ATP8B4: variants seen among roughly 807,000 people sequenced by gnomAD.
ATP8B4 encodes the protein ATPase phospholipid transporting 8B4 (putative).
In ATP8B4, 133 loss-of-function variants were observed where a neutral mutation model predicts 145.6. That is an observed-to-expected ratio of 0.91 (90% confidence interval 0.79 to 1.05). ATP8B4 has a LOEUF of 1.05. Ranked by LOEUF, ATP8B4 falls within the 50% of genes least tolerant of loss-of-function variation. The pLI, the probability that ATP8B4 is intolerant of heterozygous loss-of-function variation, is 0.00. For missense variants in ATP8B4, 1,458 were observed against 1,425.2 expected (o/e 1.02, Z -0.37); for synonymous variants, 507 against 492.9 (o/e 1.03, Z -0.38).
intron 21 of ATP8B4, 75 bp downstream of exon 21, chr15:49,901,017 C>A: frequency 6.6e-7 from 1 of 1,509,846 alleles, no homozygotes; most frequent in Non-Finnish European, 9.0e-7. Flanking sequence ...CAAAGGAGGT[C>A]TCATTATGAT....
At position 49,975,869 on chromosome 15, in the gene ATP8B4, T is replaced by G. The variant is rs934776431; in HGVS notation, c.1035-3079A>C. ...TGGATATTTCAGTTTCACGTCTTTG[T>G]AATTTACAAGGATATCCAGAACAGT... On this transcript the variant is annotated intron_variant, in intron 12 of 27. Transcript: ENST00000284509. Among the ~76,000 whole-genome samples, 7 of 152,276 alleles carry G rather than the reference T, an allele frequency of 4.6e-5. No homozygotes were observed. The South Asian group carries it at 1.0e-3, about 23-fold the overall frequency.
At chr15:49,887,073 G>A (rs1403493029) in intron 23 of ATP8B4, among the ~76,000 whole-genome samples, 1 of 152,104 alleles carries the variant, frequency 6.6e-6, no homozygotes. Flanking sequence ...ACCTCCCAAA[G>A]TGCTGGGATT....
chr15:49,974,386 A>C (rs2045481194), intron 12 of ATP8B4, among the ~76,000 whole-genome samples: 1 of 138,566 alleles, frequency 7.2e-6, no homozygotes, highest in African/African-American at 2.9e-5. Context: ...CACCGCACCC[A>C]GCCACTTGTC....
At chr15:50,164,617 C>A (rs970367536) in intron 1 of ATP8B4, among the ~76,000 whole-genome samples, 5 of 152,198 alleles carry the variant, frequency 3.3e-5, no homozygotes, top group Non-Finnish European at 7.3e-5. Flanking sequence ...GGTGTCTCAC[C>A]AGGTCATGTG....
chr15:50,024,191 G>A (rs948909377), intron 6 of ATP8B4, among the ~76,000 whole-genome samples: 1 of 152,136 alleles, frequency 6.6e-6, no homozygotes, highest in Admixed American at 6.5e-5. Context: ...CAGTGGTTAA[G>A]TCTGGATTTG....
intron 6 of ATP8B4, among the ~76,000 whole-genome samples, chr15:50,035,912 A>G (rs1477259373): frequency 6.6e-6 from 1 of 152,152 alleles, no homozygotes; most frequent in Non-Finnish European, 1.5e-5. Flanking sequence ...TACACAAGGG[A>G]AGCCACAAGC....
chr15:50,159,620 T>C (rs781711877), intron 1 of ATP8B4, among the ~76,000 whole-genome samples: 3 of 152,200 alleles, frequency 2.0e-5, no homozygotes, highest in African/African-American at 4.8e-5. Flanking sequence ...TATGTGTCAG[T>C]ATGTGGGTCT....
chr15:49,987,460 C>T lies in ATP8B4; in HGVS notation c.679G>A (p.Glu227Lys), dbSNP rs2046711598. 2.5e-6 allele frequency: 4 copies of T among 1,613,906 alleles called. No homozygotes were observed. In the South Asian group the frequency reaches 3.3e-5, roughly 13 times the overall value. Residue 227 changes from glutamate (E) to lysine (K), a missense_variant, in exon 10 of 28, where the codon GAG (glutamate) becomes AAG (lysine). Coordinates refer to ENST00000284509, the MANE Select transcript of ATP8B4 (RefSeq NM_024837.4). The part of the protein sequence containing the change: ...WKDSKHSLNN[E>K]KIILRGCILR... ...ATGCAGCCTCTCAGGATTATCTTCT[C>T]ATTGTTGAGGGAATGCTTGCTGTCT...
chr15:50,088,690 G>A (rs758131935), intron 2 of ATP8B4, among the ~76,000 whole-genome samples: 24 of 152,064 alleles, frequency 1.6e-4, no homozygotes, highest in African/African-American at 4.8e-4. Context: ...CCCCGCCCCC[G>A]ACCAGAATGT....
At chr15:49,961,580 A>G (rs975828605) in intron 14 of ATP8B4, among the ~76,000 whole-genome samples, 26 of 152,246 alleles carry the variant, frequency 1.7e-4, no homozygotes, top group African/African-American at 6.3e-4. Flanking sequence ...GAACATCAAT[A>G]TAACAAAATA....
intron 14 of ATP8B4, among the ~76,000 whole-genome samples, chr15:49,952,069 GTCTGATGGGCTTCCC>G (rs1470356544): frequency 6.6e-6 from 1 of 152,200 alleles, no homozygotes; most frequent in African/African-American, 2.4e-5. Context: ...TCTGCTGATA[GTCTGATGGGCTTCCC>G]TCTGTGGGCA....
chr15:49,894,593 A>G (rs1440515566), intron 23 of ATP8B4, among the ~76,000 whole-genome samples: 3 of 152,216 alleles, frequency 2.0e-5, no homozygotes, highest in Non-Finnish European at 4.4e-5. Context: ...CTATTGTATC[A>G]TATTAATATT....
intron 25 of ATP8B4, among the ~76,000 whole-genome samples, chr15:49,869,057 C>T (rs776526253): frequency 1.1e-4 from 17 of 151,942 alleles, no homozygotes; most frequent in African/African-American, 2.7e-4. Flanking sequence ...TACAGGCAGG[C>T]GCCACCATGC....
intron 14 of ATP8B4, among the ~76,000 whole-genome samples, chr15:49,937,203 T>C (rs2041811621): frequency 1.3e-5 from 2 of 152,210 alleles, no homozygotes; most frequent in African/African-American, 4.8e-5. Flanking sequence ...ACACCAAGAC[T>C]GAGCGAACTC....
intron 2 of ATP8B4, among the ~76,000 whole-genome samples, chr15:50,087,067 AAAT>A (rs958972308): frequency 6.9e-5 from 8 of 116,588 alleles, no homozygotes; most frequent in African/African-American, 2.9e-4. Context: ...ATATATAATA[AAAT>A]AATATAGAGA....
chr15:50,045,507 C>G (rs1433289109), intron 4 of ATP8B4, among the ~76,000 whole-genome samples: 1 of 152,018 alleles, frequency 6.6e-6, no homozygotes, highest in Non-Finnish European at 1.5e-5. Flanking sequence ...GGCCATCAGG[C>G]AGGAAAGGAT....
chr15:49,984,392 G>T (rs1013311410), intron 10 of ATP8B4, among the ~76,000 whole-genome samples: 3 of 152,138 alleles, frequency 2.0e-5, no homozygotes, highest in Non-Finnish European at 4.4e-5. Flanking sequence ...ATTTATAAAA[G>T]AACTCTTTAC....
At chr15:50,175,597 A>G (rs577835827) in intron 1 of ATP8B4, among the ~76,000 whole-genome samples, 1 of 152,372 alleles carries the variant, frequency 6.6e-6, no homozygotes, top group African/African-American at 2.4e-5. Flanking sequence ...ATATTAAAAA[A>G]TGCTCAACAT....
At chr15:49,865,191 C>T (rs1210913393) in intron 26 of ATP8B4, among the ~76,000 whole-genome samples, 1 of 152,094 alleles carries the variant, frequency 6.6e-6, no homozygotes, top group Non-Finnish European at 1.5e-5. Flanking sequence ...TCAGTCATGC[C>T]TATATAAAAA....
Sources: allele counts gnomAD v4.1 joint callset (sites outside exome capture counted in the v4.1 genomes callset), GRCh38; gene constraint gnomAD v4.1.1; transcripts MANE v1.5; gene names NCBI Gene and HGNC (gene_info 2026-07-23, HGNC 2026-07-21).